The following TRERF1 variants were observed in gnomAD, a reference collection of about 807,000 sequenced individuals.
TRERF1 encodes transcriptional-regulating factor 1.
In TRERF1, 27 loss-of-function variants were observed where a neutral mutation model predicts 122.9. The ratio of observed to expected loss-of-function variants is 0.22; its 90% CI spans 0.16 to 0.30. The LOEUF (loss-of-function observed/expected upper bound fraction) is 0.30, where lower values mean the gene tolerates loss of function less well. Ranked by LOEUF, TRERF1 falls within the 10% of genes least tolerant of loss-of-function variation. The pLI is 1.00. For synonymous variants in TRERF1, 636 were observed against 641.7 expected (o/e 0.99, Z 0.13); for missense variants, 1,248 against 1,560.3 (o/e 0.80, Z 3.37).
At chr6:42,294,118 AAG>A (rs1784714692) in intron 4 of TRERF1, among the ~76,000 whole-genome samples, 1 of 148,592 alleles carries the variant, frequency 6.7e-6, no homozygotes, top group Non-Finnish European at 1.5e-5. Flanking sequence ...TGGAAAAGAG[AAG>A]AGAGTGAGTA....
chr6:42,232,949 ATTAG>A lies in TRERF1; in HGVS notation c.3067-61_3067-58del, dbSNP rs757391345. The A allele has an allele frequency of 3.3e-6, 5 of 1,507,158 alleles. No individual in the cohort carries two copies. In the South Asian group the frequency reaches 4.9e-5, roughly 15 times the overall value. The allele number at this position is 1,507,158 out of a possible 1,614,324, so 93.4% of individuals were successfully genotyped here. ...CAGTCCTGAAAAGGAAATTAGGGTT[ATTAG>A]TTACTCAGTGGTAAACATGGAATAC... On this transcript the variant is annotated intron_variant, in intron 16 of 17. Coordinates refer to ENST00000372922, the Ensembl canonical transcript of TRERF1. The surrounding 1 kb of genome is among the most constrained non-coding windows in gnomAD (Gnocchi z 4.5).
chr6:42,413,428 A>ATT (rs5875802), intron 2 of TRERF1, among the ~76,000 whole-genome samples: 1,709 of 119,026 alleles, frequency 0.014, 59 homozygotes, highest in African/African-American at 0.048. Flanking sequence ...CAGAATCTGC[A>ATT]TTTTTTTTTT....
At chr6:42,416,428 G>A (rs1781847349) in intron 2 of TRERF1, among the ~76,000 whole-genome samples, 1 of 152,176 alleles carries the variant, frequency 6.6e-6, no homozygotes, top group African/African-American at 2.4e-5. Flanking sequence ...AAACGGATGT[G>A]TAATTTTTCA....
Position 42,360,272 on chromosome 6 carries a change from C to G in TRERF1, c.-371+2725G>C, listed in dbSNP as rs260247. The stretch of plus-strand genomic sequence containing the variant: ...AGATGAGCTTATAAATGAGGAACCT[C>G]ATTACTGTAATTTAATCTTCACCAA... On this transcript the variant is annotated intron_variant, in intron 3 of 17. Transcript: ENST00000372922. 3.2e-3 allele frequency among the ~76,000 whole-genome samples: 485 copies of G among 152,338 alleles called. 4 individuals carry two copies. The highest frequency in any genetic ancestry group is 0.011 in the African/African-American group (465 of 41,568).
exon 10 of TRERF1, chr6:42,258,167 T>G (rs1280406677): frequency 6.2e-7 from 1 of 1,614,078 alleles, no homozygotes; most frequent in Non-Finnish European, 8.5e-7. Flanking sequence ...CTCCAGGCCC[T>G]GGGGTGACCG....
At chr6:42,345,987 A>AT (rs1473624436) in intron 3 of TRERF1, among the ~76,000 whole-genome samples, 1 of 152,292 alleles carries the variant, frequency 6.6e-6, no homozygotes, top group Non-Finnish European at 1.5e-5. Flanking sequence ...AGGAAACAAA[A>AT]GATAAAGTCA....
At chr6:42,254,913 A>C in exon 13 of TRERF1, 4 of 1,614,206 alleles carry the variant, frequency 2.5e-6, no homozygotes, top group Non-Finnish European at 3.4e-6. Flanking sequence ...CAGTAGCAGC[A>C]TTTCCAGAGC....
intron 4 of TRERF1, among the ~76,000 whole-genome samples, chr6:42,294,720 T>C (rs985618209): frequency 6.6e-6 from 1 of 151,992 alleles, no homozygotes; most frequent in African/African-American, 2.4e-5. Context: ...CACCCCAAAC[T>C]CCTCAGATAA....
Position 42,321,818 on chromosome 6 carries a change from T to TA in TRERF1, c.-370-21070dup, listed in dbSNP as rs71879503. Among the ~76,000 whole-genome samples, 27 of 151,758 alleles carry TA rather than the reference T, an allele frequency of 1.8e-4. No homozygotes were observed. The South Asian group carries it at 1.9e-3, about 11-fold the overall frequency. On this transcript the variant is annotated intron_variant, in intron 3 of 17. Transcript: ENST00000372922. ...AATTTTTAAATGTTGGCTGTAAGCCTAAAAAAAAATCACTAGGCAAATCAA... is the reference window on the plus strand; with the variant it reads ...AATTTTTAAATGTTGGCTGTAAGCCTAAAAAAAAAATCACTAGGCAAATCAA...
intron 3 of TRERF1, among the ~76,000 whole-genome samples, chr6:42,346,998 T>C (rs573692473): frequency 2.6e-5 from 4 of 152,364 alleles, no homozygotes; most frequent in South Asian, 4.1e-4. Flanking sequence ...AAATGCTTTA[T>C]TGCTGTTCTT....
At chr6:42,287,315 TG>T (rs1478142009) in intron 4 of TRERF1, among the ~76,000 whole-genome samples, 1 of 146,850 alleles carries the variant, frequency 6.8e-6, no homozygotes, top group African/African-American at 2.5e-5. Flanking sequence ...AAGAAAAGGA[TG>T]GGGAAGGGCA....
At chr6:42,387,921 T>C (rs955861415) in intron 2 of TRERF1, among the ~76,000 whole-genome samples, 1 of 152,034 alleles carries the variant, frequency 6.6e-6, no homozygotes, top group African/African-American at 2.4e-5. Context: ...CATCCTCCCA[T>C]CTCAGCCTCC....
chr6:42,285,815 A>G (rs1783108285), intron 4 of TRERF1, among the ~76,000 whole-genome samples: 1 of 151,916 alleles, frequency 6.6e-6, no homozygotes, highest in African/African-American at 2.4e-5. Flanking sequence ...ATGGAACCAA[A>G]AAAGAGCCCG....
At chr6:42,424,790 A>G (rs1284087045) in intron 2 of TRERF1, among the ~76,000 whole-genome samples, 1 of 152,270 alleles carries the variant, frequency 6.6e-6, no homozygotes, top group Non-Finnish European at 1.5e-5. Context: ...CATCATAAAA[A>G]GAGATCCTCT....
intron 2 of TRERF1, among the ~76,000 whole-genome samples, chr6:42,412,000 C>CT (rs5875801): frequency 0.91 from 113,567 of 125,320 alleles, 52,171 homozygotes; most frequent in Middle Eastern, 0.97. Context: ...TTAAAAAATC[C>CT]TTTTTTTTTT....
chr6:42,433,400 A>T (rs1784782435), intron 2 of TRERF1, among the ~76,000 whole-genome samples: 1 of 152,068 alleles, frequency 6.6e-6, no homozygotes, highest in South Asian at 2.1e-4. Context: ...GCACAGAGCT[A>T]AAACCTAGGA....
At chr6:42,425,775 C>T (rs188060124) in intron 2 of TRERF1, among the ~76,000 whole-genome samples, 5 of 150,886 alleles carry the variant, frequency 3.3e-5, no homozygotes, top group African/African-American at 1.2e-4. Context: ...GAACTCCTGA[C>T]CTCGTGATCC....
At chr6:42,293,040 T>A (rs971294580) in intron 4 of TRERF1, among the ~76,000 whole-genome samples, 23 of 152,338 alleles carry the variant, frequency 1.5e-4, no homozygotes, top group African/African-American at 5.3e-4. Flanking sequence ...ACACACTGCC[T>A]GGAAGGGCTG....
chr6:42,445,613 G>A (rs1030007383), intron 2 of TRERF1, among the ~76,000 whole-genome samples: 10 of 151,728 alleles, frequency 6.6e-5, no homozygotes, highest in Non-Finnish European at 1.2e-4. Context: ...GATTCTGCCC[G>A]CCTCCCTCTC....
Sources: gnomAD v4.1 joint callset for allele counts (sites outside exome capture counted in the v4.1 genomes callset) on GRCh38, gnomAD v4.1.1 for gene constraint, Gnocchi (gnomAD v3.1) non-coding constraint, MANE v1.5 for transcripts, NCBI Gene and HGNC (gene_info 2026-07-23, HGNC 2026-07-21) for gene names.